NDUFA10: variants seen among roughly 807,000 people sequenced by gnomAD.
NDUFA10 encodes the protein NADH:ubiquinone oxidoreductase subunit A10.
NDUFA10 carries 40 observed loss-of-function variants against 47.8 expected under a neutral mutation model. The ratio of observed to expected loss-of-function variants is 0.84; its 90% confidence interval spans 0.65 to 1.09. NDUFA10 has a LOEUF of 1.09. NDUFA10 is among the 50% of genes least tolerant of loss of function. The pLI is 0.00. For missense variants in NDUFA10, 413 were observed against 451.1 expected, an observed-to-expected ratio of 0.92 and a Z score of 0.76; for synonymous variants, 183 against 172.2, an observed-to-expected ratio of 1.06 and a Z score of -0.49.
At chr2:239,940,951 G>A (rs1009251900) in intron 4 of NDUFA10, among the ~76,000 whole-genome samples, 3 of 152,228 alleles carry the variant, frequency 2.0e-5, no homozygotes, top group Admixed American at 1.3e-4. Context: ...TCTAGGCAAT[G>A]CACAGTTTTC....
In NDUFA10 at chr2:239,910,752, C is replaced by A. The variant is rs2106471169; in HGVS notation, c.295-15438G>T. Among the ~76,000 whole-genome samples the A allele has an allele frequency of 1.3e-5, 2 of 152,234 alleles. 1 individual carries two copies. The highest frequency in any genetic ancestry group is 4.8e-5 in the African/African-American group (2 of 41,532). On this transcript the variant is annotated intron_variant, in intron 4 of 5. Coordinates refer to the NDUFA10 transcript ENST00000419408. ...GAAGAAAAAAATAATAATCATGTGA[C>A]CGAGATGACCATTGTCACTAGCTTG... is the stretch of plus-strand genomic sequence containing the variant.
intron 1 of NDUFA10, among the ~76,000 whole-genome samples, chr2:240,022,996 C>T (rs984196124): frequency 3.3e-5 from 5 of 152,166 alleles, no homozygotes; most frequent in African/African-American, 1.2e-4. Flanking sequence ...ACACAAAATC[C>T]TAACTGTTCA....
At position 239,905,578 on chromosome 2, in the gene NDUFA10, C is replaced by G. The variant is rs1217554240; in HGVS notation, c.295-10264G>C. On this transcript the variant is annotated intron_variant, in intron 4 of 5. Coordinates refer to the NDUFA10 transcript ENST00000419408. ...ACATGTTCTTCACGGGATGCTGCCG[C>G]GTCGGGGGGTTTACGCAGCAAAGCC... Among the ~76,000 whole-genome samples the G allele has an allele frequency of 2.0e-5, 3 of 152,302 alleles. No individual in the cohort carries two copies. The South Asian group carries it at 6.2e-4, about 32-fold the overall frequency.
intron 4 of NDUFA10, among the ~76,000 whole-genome samples, chr2:239,950,262 G>T (rs945869989): frequency 6.6e-6 from 1 of 152,114 alleles, no homozygotes; most frequent in Non-Finnish European, 1.5e-5. Context: ...ACAGCCAGAC[G>T]GCTGCCCACC....
intron 9 of NDUFA10, chr2:239,982,186 T>C: frequency 6.2e-7 from 1 of 1,612,896 alleles, no homozygotes; most frequent in Admixed American, 1.7e-5. Context: ...TCTCTTGTAC[T>C]CTGCACAGCC....
chr2:239,935,557 C>T (rs1694251651), intron 4 of NDUFA10, among the ~76,000 whole-genome samples: 1 of 152,192 alleles, frequency 6.6e-6, no homozygotes, highest in African/African-American at 2.4e-5. Context: ...CTGTCTCACT[C>T]CCACTGACAT....
intron 9 of NDUFA10, chr2:239,983,463 C>T (rs1695867662): frequency 4.6e-6 from 7 of 1,525,070 alleles, no homozygotes; most frequent in South Asian, 2.4e-5. Flanking sequence ...TTTTTAATAT[C>T]AAGCAACCGA....
At chr2:239,923,260 C>A (rs997845198) in intron 4 of NDUFA10, among the ~76,000 whole-genome samples, 5 of 152,294 alleles carry the variant, frequency 3.3e-5, no homozygotes, top group Admixed American at 2.0e-4. Flanking sequence ...CTGCTAGACA[C>A]AAAATCAGCA....
chr2:239,911,974 G>A (rs1423902540), intron 4 of NDUFA10, among the ~76,000 whole-genome samples: 3 of 152,096 alleles, frequency 2.0e-5, no homozygotes, highest in African/African-American at 7.2e-5. Flanking sequence ...GTGTACAAGG[G>A]CAGCTGCTGG....
At chr2:239,934,789 T>C (rs1286825219) in intron 4 of NDUFA10, among the ~76,000 whole-genome samples, 2 of 152,090 alleles carry the variant, frequency 1.3e-5, no homozygotes, top group African/African-American at 4.8e-5. Flanking sequence ...TTCGTTCCTT[T>C]CTCTGGCTCT....
At chr2:239,914,442 G>A (rs1363340012) in intron 4 of NDUFA10, among the ~76,000 whole-genome samples, 1 of 131,662 alleles carries the variant, frequency 7.6e-6, no homozygotes, top group Non-Finnish European at 1.6e-5. Flanking sequence ...GACACACAGA[G>A]ATACACACAC....
At chr2:239,925,493 C>T (rs557988294) in intron 4 of NDUFA10, among the ~76,000 whole-genome samples, 12 of 152,246 alleles carry the variant, frequency 7.9e-5, no homozygotes, top group East Asian at 1.9e-4. Context: ...AAATGAACTG[C>T]GACCTAAGTC....
At chr2:239,893,577 A>G (rs1693335370) in intron 5 of NDUFA10, among the ~76,000 whole-genome samples, 3 of 152,192 alleles carry the variant, frequency 2.0e-5, no homozygotes, top group African/African-American at 4.8e-5. Flanking sequence ...TCCAGAGCGG[A>G]GAACTGCTGT....
chr2:239,918,468 G>A (rs1330923275), intron 4 of NDUFA10, among the ~76,000 whole-genome samples: 2 of 152,172 alleles, frequency 1.3e-5, no homozygotes, highest in African/African-American at 4.8e-5. Flanking sequence ...CTCCACCCCT[G>A]TGCTAACCCA....
chr2:239,976,579 C>T (rs1014851655), intron 9 of NDUFA10: 1 of 152,314 alleles, frequency 6.6e-6, no homozygotes, highest in Non-Finnish European at 1.5e-5. Context: ...GTGTCTCTGC[C>T]GAGTCTCCAG....
chr2:239,993,867 C>T (rs1004241327), intron 8 of NDUFA10, among the ~76,000 whole-genome samples: 1 of 152,030 alleles, frequency 6.6e-6, no homozygotes, highest in African/African-American at 2.4e-5. Flanking sequence ...TCAAAGGTTC[C>T]ACCAGGATTC....
intron 4 of NDUFA10, among the ~76,000 whole-genome samples, chr2:239,940,194 C>T (rs1001555261): frequency 6.6e-6 from 1 of 152,228 alleles, no homozygotes; most frequent in Non-Finnish European, 1.5e-5. Flanking sequence ...GCAAAACCAG[C>T]CACAGATGAC....
chr2:239,954,799 A>G (rs1336266202), downstream of NDUFA10, among the ~76,000 whole-genome samples: 1 of 120,444 alleles, frequency 8.3e-6, no homozygotes, highest in Non-Finnish European at 1.7e-5. Flanking sequence ...AATACCATCC[A>G]TGCTCCCCCA....
chr2:239,929,648 G>GCCCCTGCTTCTCCACCA (rs1310762683), intron 4 of NDUFA10, among the ~76,000 whole-genome samples: 219 of 150,104 alleles, frequency 1.5e-3, no homozygotes, highest in African/African-American at 5.0e-3. Context: ...CTCCTCCACC[G>GCCCCTGCTTCTCCACCA]CCCCTGCTTC....
Sources: allele counts gnomAD v4.1 joint callset (sites outside exome capture counted in the v4.1 genomes callset), GRCh38; gene constraint gnomAD v4.1.1; transcripts MANE v1.5; gene names NCBI Gene and HGNC (gene_info 2026-07-23, HGNC 2026-07-21).